Variants in CDH23 observed in about 807,000 individuals in gnomAD.
The protein encoded by CDH23 is cadherin related 23.
CDH23 carries 189 observed loss-of-function variants against 317.1 expected under a neutral mutation model. The observed-to-expected ratio is 0.60, with a 90% CI of 0.53 to 0.67. The LOEUF (loss-of-function observed/expected upper bound fraction) is 0.67, where lower values mean the gene tolerates loss of function less well. Among genes scored for constraint, CDH23 ranks in the 30% least tolerant of loss-of-function variants. The pLI, the probability that CDH23 is intolerant of heterozygous loss-of-function variation, is 0.00. For missense variants in CDH23, 4,401 were observed against 4,592.4 expected, an observed-to-expected ratio of 0.96 and a Z score of 1.20; for synonymous variants, 1,839 against 1,876.8, an observed-to-expected ratio of 0.98 and a Z score of 0.52.
chr10:71,661,824 A>C (rs1429607261), intron 14 of CDH23, among the ~76,000 whole-genome samples: 3 of 36,184 alleles, frequency 8.3e-5, no homozygotes, highest in Admixed American at 3.4e-4. Flanking sequence ...GCCCCCTCCC[A>C]CCCTGCGCCC....
At chr10:71,573,913 C>T (rs1857986073) in intron 8 of CDH23, among the ~76,000 whole-genome samples, 1 of 152,256 alleles carries the variant, frequency 6.6e-6, no homozygotes, top group Admixed American at 6.5e-5. Context: ...TCGCCTCTTG[C>T]AGAGCCTCTC....
At chr10:71,752,181 T>A in intron 38 of CDH23, 1 of 474,732 alleles carries the variant, frequency 2.1e-6, no homozygotes, top group East Asian at 4.7e-5. Context: ...CCTCAGGAAT[T>A]TGGGGACAAG....
intron 1 of CDH23, among the ~76,000 whole-genome samples, chr10:71,423,180 G>GCA (rs1486535938): frequency 6.6e-6 from 1 of 152,160 alleles, no homozygotes; most frequent in Non-Finnish European, 1.5e-5. Flanking sequence ...ACAGGCGTGT[G>GCA]CACACACACA....
intron 48 of CDH23, among the ~76,000 whole-genome samples, chr10:71,796,644 G>T (rs1589426703): frequency 6.6e-6 from 1 of 152,164 alleles, no homozygotes; most frequent in African/African-American, 2.4e-5. Flanking sequence ...CTTTTTAATT[G>T]TAGAGTCCAG....
At chr10:71,755,618 G>A (rs967084332) in intron 38 of CDH23, 8 of 720,720 alleles carry the variant, frequency 1.1e-5, no homozygotes, top group Non-Finnish European at 1.6e-5. Context: ...ACAGAGGCAT[G>A]GAAGATAAGG....
chr10:71,806,968 G>A (rs909648398), intron 57 of CDH23, among the ~76,000 whole-genome samples: 1 of 152,236 alleles, frequency 6.6e-6, no homozygotes, highest in African/African-American at 2.4e-5. Context: ...GTGTGCACAT[G>A]GGATGTGATG....
rs201216266 is a variant in CDH23 at position 71,760,056 on chromosome 10, T to C, written c.4846-17624T>C. Among the ~76,000 whole-genome samples the C allele has an allele frequency of 8.3e-3, 634 of 76,482 alleles. 97 individuals carry two copies. The highest frequency in any genetic ancestry group is 0.027 in the African/African-American group (604 of 22,218). 50.2% of individuals were successfully genotyped at this position (76,482 alleles called of 152,430 possible). On this transcript the variant is annotated intron_variant, in intron 38 of 69. Transcript: ENST00000224721. ...ACACACACATATATACACACACACA[T>C]ATATATACACACACACATATATATA...
At chr10:71,812,193 G>C in intron 66 of CDH23, 178 bp downstream of exon 66, 2 of 1,583,724 alleles carry the variant, frequency 1.3e-6, no homozygotes, top group Non-Finnish European at 1.7e-6. Flanking sequence ...GTGGCTGACA[G>C]GGGCTCTCCA....
chr10:71,742,538 G>A (rs939240201), intron 38 of CDH23, among the ~76,000 whole-genome samples: 3 of 152,250 alleles, frequency 2.0e-5, no homozygotes, highest in Non-Finnish European at 4.4e-5. Flanking sequence ...CTGATGAGCT[G>A]TGTTGGGAGT....
In CDH23 at chr10:71,706,248, G is replaced by A. The variant is rs144545793; in HGVS notation, c.2954-649G>A. ...GGAATAGGGGCCTAGCATGCAGAGC[G>A]GAGTAAACACATCTGTAAGGGAAAT... On this transcript the variant is annotated intron_variant, in intron 25 of 69. Transcript: ENST00000224721. 1.6e-4 allele frequency among the ~76,000 whole-genome samples: 25 copies of A among 152,282 alleles called. No homozygotes were observed. In the East Asian group the frequency reaches 1.7e-3, roughly 11 times the overall value.
chr10:71,618,655 A>G (rs1011226028), intron 11 of CDH23, among the ~76,000 whole-genome samples: 7 of 152,112 alleles, frequency 4.6e-5, no homozygotes, highest in Admixed American at 3.9e-4. Context: ...CGTCCTCGGG[A>G]GAGCCCTCTC....
At chr10:71,425,277 GGAAGAAAGGA>G (rs1849015684) in intron 1 of CDH23, among the ~76,000 whole-genome samples, 1 of 136,416 alleles carries the variant, frequency 7.3e-6, no homozygotes, top group African/African-American at 2.8e-5. Flanking sequence ...GAGGAAGGAA[GGAAGAAAGGA>G]AGGAACGAAG....
Position 71,807,035 on chromosome 10 carries a change from C to T in CDH23, c.8179-242C>T, listed in dbSNP as rs145442752. On this transcript the variant is annotated intron_variant, in intron 57 of 69. Transcript: ENST00000224721. Reference sequence around the variant, plus strand: ...CACATGCATGTGCATATAAGAGTAACGTGTGTGCTTCTCTCACTTAAGCAC... The same window carrying T: ...CACATGCATGTGCATATAAGAGTAATGTGTGTGCTTCTCTCACTTAAGCAC... Among the ~76,000 whole-genome samples, 105 of 152,294 alleles carry T rather than the reference C, an allele frequency of 6.9e-4. 1 individual carries two copies. The highest frequency in any genetic ancestry group is 2.4e-3 in the African/African-American group (99 of 41,566).
chr10:71,640,786 G>A (rs1333661292), intron 11 of CDH23, among the ~76,000 whole-genome samples: 2 of 152,172 alleles, frequency 1.3e-5, no homozygotes, highest in African/African-American at 4.8e-5. Context: ...AAAGGAAACG[G>A]TGCTGGGCCC....
intron 1 of CDH23, among the ~76,000 whole-genome samples, chr10:71,417,258 G>A (rs1848575704): frequency 6.6e-6 from 1 of 151,822 alleles, no homozygotes; most frequent in South Asian, 2.1e-4. Context: ...TGTATTTTTA[G>A]TAGAGACAGG....
intron 28 of CDH23, 23 bp downstream of exon 28, chr10:71,712,836 G>A (rs774329375): frequency 6.2e-7 from 1 of 1,605,792 alleles, no homozygotes; most frequent in South Asian, 1.1e-5. Flanking sequence ...TGGCCTCTGG[G>A]GCAGGTGGTG....
At chr10:71,695,198 G>C (rs1178378876) in intron 21 of CDH23, among the ~76,000 whole-genome samples, 2 of 152,212 alleles carry the variant, frequency 1.3e-5, no homozygotes, top group Admixed American at 1.3e-4. Flanking sequence ...CCATTCCACT[G>C]CCTCCTGATG....
At chr10:71,528,017 G>A (rs1167289947) in intron 6 of CDH23, among the ~76,000 whole-genome samples, 1 of 152,028 alleles carries the variant, frequency 6.6e-6, no homozygotes, top group Non-Finnish European at 1.5e-5. Context: ...GTGCAGTGGG[G>A]TTAGTAACTT....
intron 28 of CDH23, chr10:71,713,692 T>G (rs542762991): frequency 4.7e-6 from 1 of 213,210 alleles, no homozygotes; most frequent in East Asian, 1.3e-4. Context: ...TTGTGAGGAC[T>G]TGGAGCATAC....
Sources: allele counts gnomAD v4.1 joint callset (sites outside exome capture counted in the v4.1 genomes callset), GRCh38; gene constraint gnomAD v4.1.1; transcripts MANE v1.5; gene names NCBI Gene and HGNC (gene_info 2026-07-23, HGNC 2026-07-21).